NDUFS4: variants seen among roughly 807,000 people sequenced by gnomAD.
NDUFS4 encodes the protein NADH:ubiquinone oxidoreductase subunit S4.
A neutral mutation model predicts 24.3 loss-of-function variants in NDUFS4; 28 were observed. The ratio of observed to expected loss-of-function variants is 1.15; its 90% CI spans 0.85 to 1.58. The LOEUF (loss-of-function observed/expected upper bound fraction) is 1.58. Ranked by LOEUF, NDUFS4 falls within the 40% of genes most tolerant of loss-of-function variation. The pLI, the probability that NDUFS4 is intolerant of heterozygous loss-of-function variation, is 0.00. For missense variants in NDUFS4, 223 were observed against 207.9 expected (o/e 1.07, Z -0.45); for synonymous variants, 93 against 69.7 (o/e 1.34, Z -1.67).
intron 1 of NDUFS4, among the ~76,000 whole-genome samples, chr5:53,579,208 A>G (rs1749478456): frequency 6.6e-6 from 1 of 152,164 alleles, no homozygotes; most frequent in Admixed American, 6.5e-5. Context: ...TTGCCCATTC[A>G]TTGAACTATC....
intron 2 of NDUFS4, among the ~76,000 whole-genome samples, chr5:53,609,871 G>C (rs986923453): frequency 1.3e-5 from 2 of 151,748 alleles, no homozygotes; most frequent in Non-Finnish European, 2.9e-5. Flanking sequence ...TCAAAGAATT[G>C]AAGAGACTTA....
intron 3 of NDUFS4, among the ~76,000 whole-genome samples, chr5:53,657,597 A>G (rs1186854692): frequency 6.6e-6 from 1 of 152,132 alleles, no homozygotes; most frequent in East Asian, 1.9e-4. Context: ...TTCACAATAA[A>G]CATTTGTAGC....
At chr5:53,658,495 T>A in intron 3 of NDUFS4, 56 bp from the exon 4 acceptor site, 1 of 1,181,662 alleles carries the variant, frequency 8.5e-7, no homozygotes, top group South Asian at 1.3e-5. Flanking sequence ...AATATTGATT[T>A]TGTTTCTCAG....
intron 2 of NDUFS4, among the ~76,000 whole-genome samples, chr5:53,640,876 A>G (rs917745019): frequency 6.6e-6 from 1 of 152,136 alleles, no homozygotes; most frequent in South Asian, 2.1e-4. Flanking sequence ...AATCACACAC[A>G]CATTAATCTG....
intron 4 of NDUFS4, among the ~76,000 whole-genome samples, chr5:53,678,447 A>G (rs942109048): frequency 2.0e-5 from 3 of 152,120 alleles, no homozygotes; most frequent in African/African-American, 7.2e-5. Context: ...AGCTTTACCT[A>G]TCCCTAGGGC....
chr5:53,603,843 C>T (rs576733009), intron 2 of NDUFS4, among the ~76,000 whole-genome samples: 1 of 152,128 alleles, frequency 6.6e-6, no homozygotes, highest in East Asian at 1.9e-4. Context: ...TTCTCAGTTA[C>T]ACTCCTATTT....
rs372417586 is a variant in NDUFS4 at position 53,591,461 on chromosome 5, T to G, written c.99-11991T>G. Among the ~76,000 whole-genome samples, 136 of 81,200 alleles carry G rather than the reference T, an allele frequency of 1.7e-3. 2 individuals carry two copies. The highest frequency in any genetic ancestry group is 6.7e-3 in the Middle Eastern group (1 of 150). 53.3% of individuals were successfully genotyped at this position (81,200 alleles called of 152,430 possible). A position where few individuals can be genotyped will look rare whatever the true frequency, so the allele number is the denominator to read the frequency against. The stretch of plus-strand genomic sequence containing the variant: ...CTTGCTACTTTTTGTTTGTTTTTTT[T>G]GGGGGGGGGGGGTGATAATAACTAT... On this transcript the variant is annotated intron_variant, in intron 1 of 4. Transcript: ENST00000296684.
intron 2 of NDUFS4, among the ~76,000 whole-genome samples, chr5:53,630,735 C>G (rs1428087727): frequency 6.6e-6 from 1 of 152,110 alleles, no homozygotes; most frequent in Non-Finnish European, 1.5e-5. Context: ...TCTATCAGGT[C>G]ATGTAGGTTT....
chr5:53,564,534 T>G (rs2112404564), intron 1 of NDUFS4, among the ~76,000 whole-genome samples: 1 of 152,328 alleles, frequency 6.6e-6, no homozygotes, highest in South Asian at 2.1e-4. Context: ...TGAATTTTTG[T>G]TAGGAAAATA....
chr5:53,569,242 G>T (rs1226872237), intron 1 of NDUFS4, among the ~76,000 whole-genome samples: 1 of 152,036 alleles, frequency 6.6e-6, no homozygotes, highest in Non-Finnish European at 1.5e-5. Flanking sequence ...TTAGACATGT[G>T]TAATTTGAAT....
intron 1 of NDUFS4, among the ~76,000 whole-genome samples, chr5:53,602,788 A>G (rs1010771545): frequency 3.3e-5 from 5 of 152,216 alleles, no homozygotes; most frequent in Admixed American, 3.3e-4. Flanking sequence ...TATGACATTC[A>G]GTAGTATAAA....
At chr5:53,638,803 C>A (rs1751626771) in intron 2 of NDUFS4, among the ~76,000 whole-genome samples, 2 of 152,016 alleles carry the variant, frequency 1.3e-5, no homozygotes, top group Admixed American at 6.6e-5. Context: ...AACCAGTACT[C>A]CAGGAAAACT....
At chr5:53,603,336 C>CTTTTTTTTT in intron 1 of NDUFS4, 116 bp from the exon 2 acceptor site, 4 of 508,612 alleles carry the variant, frequency 7.9e-6, no homozygotes, top group Admixed American at 3.2e-5. Context: ...CTTTCCTTTC[C>CTTTTTTTTT]TTTTTTTTTT....
chr5:53,590,281 C>T (rs945142604), intron 1 of NDUFS4, among the ~76,000 whole-genome samples: 1 of 152,142 alleles, frequency 6.6e-6, no homozygotes, highest in Non-Finnish European at 1.5e-5. Context: ...GTTACATTTT[C>T]ATAAGCATAT....
intron 1 of NDUFS4, among the ~76,000 whole-genome samples, chr5:53,572,956 TG>T (rs1290168009): frequency 3.5e-4 from 43 of 123,500 alleles, no homozygotes; most frequent in South Asian, 7.7e-4. Flanking sequence ...TGTTGTTTTT[TG>T]TTTTTTTTTT....
chr5:53,665,776 G>C (rs538167513), intron 4 of NDUFS4, among the ~76,000 whole-genome samples: 1 of 152,288 alleles, frequency 6.6e-6, no homozygotes, highest in East Asian at 1.9e-4. Context: ...GCGCTTCCTG[G>C]GTGAGGCGAT....
intron 1 of NDUFS4, among the ~76,000 whole-genome samples, chr5:53,563,250 A>AC (rs1163718967): frequency 6.7e-6 from 1 of 148,282 alleles, no homozygotes; most frequent in Non-Finnish European, 1.5e-5. Context: ...AAAAAAAAAA[A>AC]AAAAGAAAAG....
chr5:53,587,365 A>G (rs183570988), intron 1 of NDUFS4, among the ~76,000 whole-genome samples: 31 of 152,266 alleles, frequency 2.0e-4, no homozygotes, highest in Middle Eastern at 3.4e-3. Flanking sequence ...ACATGCAGAA[A>G]AGTGGAGTGC....
At chr5:53,638,894 A>G (rs776362643) in intron 2 of NDUFS4, among the ~76,000 whole-genome samples, 10 of 152,050 alleles carry the variant, frequency 6.6e-5, no homozygotes, top group Non-Finnish European at 1.2e-4. Context: ...TAATGTTAAT[A>G]AAACTATGTA....
Sources: allele counts gnomAD v4.1 joint callset (sites outside exome capture counted in the v4.1 genomes callset), GRCh38; gene constraint gnomAD v4.1.1; transcripts MANE v1.5; gene names NCBI Gene and HGNC (gene_info 2026-07-23, HGNC 2026-07-21).